The following PIP4K2C variants were observed in gnomAD, a reference collection of about 807,000 sequenced individuals.
The protein encoded by PIP4K2C is phosphatidylinositol 5-phosphate 4-kinase type-2 gamma.
Under a neutral mutation model 45.0 loss-of-function variants are expected in PIP4K2C, and 21 were observed. That is an observed-to-expected ratio of 0.47 (90% confidence interval 0.33 to 0.67). The LOEUF (loss-of-function observed/expected upper bound fraction) is 0.67, where lower values mean the gene tolerates loss of function less well. PIP4K2C is among the 30% of genes least tolerant of loss of function. PIP4K2C has a pLI of 0.02. For missense variants in PIP4K2C, 456 were observed against 542.8 expected, an observed-to-expected ratio of 0.84 and a Z score of 1.59; for synonymous variants, 201 against 204.8, an observed-to-expected ratio of 0.98 and a Z score of 0.16.
chr12:57,601,415 C>T, intron 9 of PIP4K2C, 67 bp downstream of exon 9: 1 of 1,545,326 alleles, frequency 6.5e-7, no homozygotes, highest in Non-Finnish European at 8.9e-7. Context: ...TCTCTTGTGC[C>T]AGAGCAATGG....
Position 57,599,032 on chromosome 12 carries a change from C to T in PIP4K2C, c.514-33C>T, listed in dbSNP as rs182177892. The T allele has an allele frequency of 2.0e-4, 318 of 1,607,848 alleles. 2 individuals carry two copies. The East Asian group carries it at 6.9e-3, about 35-fold the overall frequency. On this transcript the variant is annotated intron_variant, in intron 4 of 9. Transcript: ENST00000354947. Reference sequence around the variant, plus strand: ...GCTGTTTGTGTATCTGCTACTCAGCCTCTCCCCATTCCTTCCCCCTCTTTC... The same window carrying T: ...GCTGTTTGTGTATCTGCTACTCAGCTTCTCCCCATTCCTTCCCCCTCTTTC...
chr12:57,598,365 C>G (rs1172683340), intron 4 of PIP4K2C, among the ~76,000 whole-genome samples: 1 of 151,884 alleles, frequency 6.6e-6, no homozygotes, highest in African/African-American at 2.4e-5. Context: ...TACTAAAATA[C>G]AAAAAATTAG....
chr12:57,591,218 C>A lies in PIP4K2C; in HGVS notation c.-72C>A. 1.3e-6 allele frequency: 2 copies of A among 1,482,732 alleles called. No individual in the cohort carries two copies. The highest frequency in any genetic ancestry group is 1.8e-6 in the Non-Finnish European group (2 of 1,094,564). The allele number at this position is 1,482,732 out of a possible 1,614,324, so 91.8% of individuals were successfully genotyped here. A position where few individuals can be genotyped will look rare whatever the true frequency, so the allele number is the denominator to read the frequency against. On this transcript the variant is annotated 5_prime_UTR_variant, in exon 1 of 10. Transcript: ENST00000354947. ...GTCACGTGACAGCAGCGCAGGTGAG[C>A]GCCGCTTCCGGGGTCGGGCGCCTGG...
At chr12:57,592,689 G>A (rs1883013951) in intron 1 of PIP4K2C, among the ~76,000 whole-genome samples, 1 of 152,028 alleles carries the variant, frequency 6.6e-6, no homozygotes, top group Non-Finnish European at 1.5e-5. Flanking sequence ...AAGGATTGGG[G>A]GAGTTACATG....
chr12:57,591,597 A>T (rs1364483670), intron 1 of PIP4K2C, 134 bp downstream of exon 1: 1 of 1,003,604 alleles, frequency 1.0e-6, no homozygotes, highest in Non-Finnish European at 1.4e-6. Flanking sequence ...GTCCCTGCCC[A>T]CCAACCCCAG....
In PIP4K2C at chr12:57,593,675, G is replaced by GTTTTTTTTTTTTT. The variant is rs56900742; in HGVS notation, c.175-330_175-318dup. On this transcript the variant is annotated intron_variant, in intron 1 of 9. Coordinates refer to ENST00000354947, the MANE Select transcript of PIP4K2C (RefSeq NM_024779.5). ...CATGTAGCTGCCTTGAGCTTGCAGAGTTTTTTTTTTTTTTTTTTTTTTTTT... is the reference window on the plus strand; with the variant it reads ...CATGTAGCTGCCTTGAGCTTGCAGAGTTTTTTTTTTTTTTTTTTTTTTTTTTTTTTTTTTTTTT... Among the ~76,000 whole-genome samples, 5 of 64,048 alleles carry GTTTTTTTTTTTTT rather than the reference G, an allele frequency of 7.8e-5. 1 individual carries two copies. The highest frequency in any genetic ancestry group is 1.5e-4 in the African/African-American group (2 of 13,694). The allele number at this position is 64,048 out of a possible 152,430, so 42.0% of individuals were successfully genotyped here.
rs1486750500 is a variant in PIP4K2C at position 57,599,439 on chromosome 12, G to A, written c.699+1G>A. 2 of 1,614,054 alleles carry A rather than the reference G, an allele frequency of 1.2e-6. No homozygotes were observed. The highest frequency in any genetic ancestry group is 1.7e-6 in the Non-Finnish European group (2 of 1,180,036). ...CCGGGAAGCCAGCGATAAGGAAAAG[G>A]TGATAGTAATTTTATGTGCTAGGGT... On this transcript the variant is annotated splice_donor_variant, in intron 6 of 9. Transcript: ENST00000354947. LOFTEE classifies it high-confidence loss of function.
intron 1 of PIP4K2C, among the ~76,000 whole-genome samples, chr12:57,591,757 C>G (rs1055223300): frequency 6.6e-6 from 1 of 152,296 alleles, no homozygotes; most frequent in South Asian, 2.1e-4. Context: ...TCAGGCTACG[C>G]GGACTGGCCA....
intron 3 of PIP4K2C, among the ~76,000 whole-genome samples, chr12:57,595,659 T>C (rs1296041): frequency 0.069 from 9,957 of 144,650 alleles, 397 homozygotes; most frequent in African/African-American, 0.11. Flanking sequence ...GCTGAGATCG[T>C]ACCACTACAC....
intron 1 of PIP4K2C, among the ~76,000 whole-genome samples, chr12:57,592,592 T>C (rs1367698669): frequency 2.0e-5 from 3 of 152,172 alleles, no homozygotes; most frequent in Non-Finnish European, 4.4e-5. Flanking sequence ...GGAAGGCTGA[T>C]GGAGGTAGGG....
intron 1 of PIP4K2C, 32 bp downstream of exon 1, chr12:57,591,495 G>A: frequency 6.4e-7 from 1 of 1,557,708 alleles, no homozygotes; most frequent in South Asian, 1.2e-5. Context: ...CCGCAGCCCT[G>A]TCCAAACCCC....
intron 2 of PIP4K2C, 133 bp downstream of exon 2, chr12:57,594,255 T>A: frequency 5.6e-6 from 4 of 713,106 alleles, no homozygotes; most frequent in Non-Finnish European, 9.2e-6. Flanking sequence ...AAGGAAACCA[T>A]GAGAATAATT....
chr12:57,600,048 CAAAA>C (rs56278212), intron 6 of PIP4K2C, among the ~76,000 whole-genome samples: 1 of 139,540 alleles, frequency 7.2e-6, no homozygotes, highest in East Asian at 2.1e-4. Flanking sequence ...GATCCTATCT[CAAAA>C]AAAAAAAAAA....
At chr12:57,598,403 C>G (rs530677404) in intron 4 of PIP4K2C, among the ~76,000 whole-genome samples, 5 of 151,938 alleles carry the variant, frequency 3.3e-5, no homozygotes, top group African/African-American at 9.7e-5. Flanking sequence ...CGCCTGTACT[C>G]CCAGCTACTC....
At chr12:57,598,905 C>T (rs545542203) in intron 4 of PIP4K2C, among the ~76,000 whole-genome samples, 160 bp from the exon 5 acceptor site, 3 of 152,088 alleles carry the variant, frequency 2.0e-5, no homozygotes, top group Admixed American at 2.0e-4. Flanking sequence ...GCATGGATAA[C>T]CTGGAGTGTT....
rs767510093 is a variant in PIP4K2C, at chr12:57,591,241, T to A, written c.-49T>A. On this transcript the variant is annotated 5_prime_UTR_variant, in exon 1 of 10. Coordinates refer to ENST00000354947, the MANE Select transcript of PIP4K2C (RefSeq NM_024779.5). Reference sequence around the variant, plus strand: ...AGCGCCGCTTCCGGGGTCGGGCGCCTGGATAGCTGCCGGCTCCGGCTTCCA... The same window carrying A: ...AGCGCCGCTTCCGGGGTCGGGCGCCAGGATAGCTGCCGGCTCCGGCTTCCA... 4 of 1,552,626 alleles carry A rather than the reference T, an allele frequency of 2.6e-6. No homozygotes were observed. Among genetic ancestry groups the A allele is most frequent in the Non-Finnish European group, 3.5e-6 (4 of 1,144,936 alleles).
Position 57,594,101 on chromosome 12 carries a change from T to A in PIP4K2C, c.251T>A (p.Val84Asp). The part of the protein sequence containing the change: ...DDFKASSKIK[V>D]NNHLFHRENL... ...TTTAAGGCCAGCTCCAAGATCAAGG[T>A]CAACAATCACCTTTTCCACAGGTAA... The change falls in exon 2 of 10, where the codon GTC becomes GAC. Residue 84 changes from valine to aspartate, a missense_variant. Val to Asp is a radical substitution (Grantham distance 152). Around this residue, in one of 2 missense-constraint regions of PIP4K2C, gnomAD observed 421 missense variants for 473.1 expected, o/e 0.89. Coordinates refer to ENST00000354947, the MANE Select transcript of PIP4K2C (RefSeq NM_024779.5). 6.2e-7 allele frequency: 1 copy of A among 1,613,884 alleles called. No homozygotes were observed. The highest frequency in any genetic ancestry group is 1.6e-4 in the Middle Eastern group (1 of 6,062).
intron 9 of PIP4K2C, 34 bp from the exon 10 acceptor site, chr12:57,601,492 G>A (rs751115838): frequency 1.9e-6 from 3 of 1,584,576 alleles, no homozygotes; most frequent in Admixed American, 1.7e-5. Context: ...GTGCTAGGGT[G>A]GCCTGACATA....
At position 57,601,671 on chromosome 12, in the gene PIP4K2C, G is replaced by A. The variant is rs1161761880; in HGVS notation, c.*65G>A. ...TTCTGAGACACTTGGGGGAATTGTGGGGATATTCTAGCCACCAGTTCTCTT... is the reference window on the plus strand; with the variant it reads ...TTCTGAGACACTTGGGGGAATTGTGAGGATATTCTAGCCACCAGTTCTCTT... On this transcript the variant is annotated 3_prime_UTR_variant, in exon 10 of 10. Coordinates refer to ENST00000354947, the MANE Select transcript of PIP4K2C (RefSeq NM_024779.5). 3 of 1,389,846 alleles carry A rather than the reference G, an allele frequency of 2.2e-6. No homozygotes were observed. The highest frequency in any genetic ancestry group is 2.8e-5 in the African/African-American group (2 of 70,376). 86.1% of individuals were successfully genotyped at this position (1,389,846 alleles called of 1,614,324 possible).
Sources: allele counts gnomAD v4.1 joint callset (sites outside exome capture counted in the v4.1 genomes callset), GRCh38; gene constraint gnomAD v4.1.1; regional missense constraint gnomAD v4.1.1; transcripts MANE v1.5; gene names NCBI Gene and HGNC (gene_info 2026-07-23, HGNC 2026-07-21).